AFAP1: variants seen among roughly 807,000 people sequenced by gnomAD.
The protein encoded by AFAP1 is actin filament-associated protein 1.
AFAP1 carries 75 observed loss-of-function variants against 93.9 expected under a neutral mutation model. The ratio of observed to expected loss-of-function variants is 0.80; its 90% confidence interval spans 0.66 to 0.97. AFAP1 has a LOEUF of 0.97. Among genes scored for constraint, AFAP1 ranks in the 50% least tolerant of loss-of-function variants. AFAP1 has a pLI of 0.00. For missense variants in AFAP1, 1,201 were observed against 1,050.8 expected (o/e 1.14, Z -1.98); for synonymous variants, 517 against 430.7 (o/e 1.20, Z -2.48).
intron 3 of AFAP1, among the ~76,000 whole-genome samples, chr4:7,863,662 G>T (rs1166338242): frequency 1.3e-5 from 2 of 152,034 alleles, no homozygotes; most frequent in Non-Finnish European, 2.9e-5. Context: ...ACATTAGCCA[G>T]GTGGAAAGAC....
At chr4:7,836,740 G>A (rs1236719971) in intron 6 of AFAP1, among the ~76,000 whole-genome samples, 3 of 151,940 alleles carry the variant, frequency 2.0e-5, no homozygotes, top group South Asian at 2.1e-4. Flanking sequence ...GAGCCGCTGC[G>A]CCCAGCCAGT....
Position 7,847,793 on chromosome 4 carries a change from C to CGGGGGGG in AFAP1, c.335-4444_335-4443insCCCCCCC, listed in dbSNP as rs10685949. Among the ~76,000 whole-genome samples the CGGGGGGG allele has an allele frequency of 8.5e-4, 87 of 101,828 alleles. 1 individual carries two copies. Among genetic ancestry groups the CGGGGGGG allele is most frequent in the African/African-American group, 2.1e-3 (59 of 28,508 alleles). 66.8% of individuals were successfully genotyped at this position (101,828 alleles called of 152,430 possible). On this transcript the variant is annotated intron_variant, in intron 4 of 17. Transcript: ENST00000420658. ...AGGAAGGTTCTATTTCAGGGGTACT[C>CGGGGGGG]GGGGTGGGGCATTGATTAGATACCA...
chr4:7,855,540 G>C lies in AFAP1; in HGVS notation c.260C>G (p.Ser87Cys). ...CTCATAATAACCTTCTGGGAGGGAGGATGTTGGCAATGGTGGAGGCCCACT... is the reference window on the plus strand; with the variant it reads ...CTCATAATAACCTTCTGGGAGGGAGCATGTTGGCAATGGTGGAGGCCCACT... ...PDSGPPPLPT[S>C]SLPEGYYEEA... Residue 87 changes from serine (S) to cysteine (C), a missense_variant, in exon 4 of 18, where the codon TCC becomes TGC. By Grantham distance (112) the Ser-to-Cys change is moderately radical. Transcript: ENST00000420658. 6.2e-7 allele frequency: 1 copy of C among 1,614,068 alleles called. No homozygotes were observed. Among genetic ancestry groups the C allele is most frequent in the Non-Finnish European group, 8.5e-7 (1 of 1,179,988 alleles).
chr4:7,872,085 C>A lies in AFAP1; in HGVS notation c.-2-5G>T, dbSNP rs1178095258. On this transcript the variant is annotated splice_region_variant and splice_polypyrimidine_tract_variant and intron_variant, in intron 1 of 17. Coordinates refer to ENST00000420658, the MANE Select transcript of AFAP1 (RefSeq NM_001134647.2). ...CAACTATTAACTCTTCCATTGCTGACAACAAAAGAGGAAGAGTATTATTAG... is the reference window on the plus strand; with the variant it reads ...CAACTATTAACTCTTCCATTGCTGAAAACAAAAGAGGAAGAGTATTATTAG... The A allele has an allele frequency of 6.2e-7, 1 of 1,613,644 alleles. No homozygotes were observed. The highest frequency in any genetic ancestry group is 1.6e-4 in the Middle Eastern group (1 of 6,062).
chr4:7,877,710 AG>A (rs1223313162), intron 1 of AFAP1, among the ~76,000 whole-genome samples: 1 of 152,232 alleles, frequency 6.6e-6, no homozygotes, highest in African/African-American at 2.4e-5. Context: ...ATAATTCCAC[AG>A]ACTGTTTTCA....
chr4:7,809,540 T>TACCG, intron 9 of AFAP1, 74 bp downstream of exon 9: 2 of 1,518,418 alleles, frequency 1.3e-6, no homozygotes, highest in Non-Finnish European at 1.8e-6. Flanking sequence ...ATGAACTGGG[T>TACCG]ACCGACACCA....
intron 1 of AFAP1, among the ~76,000 whole-genome samples, chr4:7,926,570 G>C (rs1317421083): frequency 1.3e-5 from 2 of 152,110 alleles, no homozygotes; most frequent in East Asian, 3.9e-4. Context: ...GAAGCAAATG[G>C]GGAGGCCAGG....
chr4:7,798,961 A>T, intron 10 of AFAP1: 35 of 986,682 alleles, frequency 3.5e-5, no homozygotes, highest in Non-Finnish European at 4.2e-5. Flanking sequence ...CAGAGCTCTC[A>T]TGGGAGACCC....
intron 7 of AFAP1, among the ~76,000 whole-genome samples, chr4:7,816,557 T>C (rs1413645002): frequency 6.6e-6 from 1 of 152,184 alleles, no homozygotes; most frequent in African/African-American, 2.4e-5. Flanking sequence ...ACTCAGAATG[T>C]ACACAGAGTG....
intron 7 of AFAP1, among the ~76,000 whole-genome samples, chr4:7,817,635 T>TGG (rs11378620): frequency 1.7e-3 from 261 of 151,150 alleles, no homozygotes; most frequent in African/African-American, 3.9e-3. Context: ...AAACAACTAA[T>TGG]GGGGGGGGCA....
chr4:7,815,666 C>G (rs2149063535), intron 8 of AFAP1, among the ~76,000 whole-genome samples: 1 of 152,264 alleles, frequency 6.6e-6, no homozygotes, highest in East Asian at 1.9e-4. Flanking sequence ...CACCAGGTCC[C>G]TAAGCAACAT....
At position 7,850,972 on chromosome 4, in the gene AFAP1, G is replaced by A. The variant is rs573446692; in HGVS notation, c.334+4494C>T. Among the ~76,000 whole-genome samples the A allele has an allele frequency of 3.4e-4, 51 of 152,050 alleles. 1 individual carries two copies. The South Asian group carries it at 8.9e-3, about 27-fold the overall frequency. ...CCAACCACTGACTTCAACAGCTCCC[G>A]CAAGTGTGCACGGCTAATCTAGAAT... On this transcript the variant is annotated intron_variant, in intron 4 of 17. Coordinates refer to ENST00000420658, the MANE Select transcript of AFAP1 (RefSeq NM_001134647.2).
chr4:7,846,083 T>C (rs769949142), intron 4 of AFAP1, among the ~76,000 whole-genome samples: 26 of 152,088 alleles, frequency 1.7e-4, no homozygotes, highest in Non-Finnish European at 3.5e-4. Context: ...CTGACAAGCA[T>C]CAAATGCTGC....
intron 12 of AFAP1, among the ~76,000 whole-genome samples, chr4:7,784,984 A>G (rs549770577): frequency 3.9e-5 from 6 of 152,222 alleles, no homozygotes; most frequent in Admixed American, 2.6e-4. Context: ...CTTGGAAAAC[A>G]TAACAATAAA....
chr4:7,774,630 AAT>A, intron 15 of AFAP1, 107 bp downstream of exon 15: 3 of 1,444,794 alleles, frequency 2.1e-6, no homozygotes, highest in Non-Finnish European at 2.8e-6. Flanking sequence ...ACTCTTACTA[AAT>A]AAAATGACAG....
chr4:7,861,102 T>G (rs950328657), intron 3 of AFAP1, among the ~76,000 whole-genome samples: 1 of 152,236 alleles, frequency 6.6e-6, no homozygotes, highest in Admixed American at 6.5e-5. Context: ...TTTCTGACTT[T>G]AATTTTATAT....
intron 1 of AFAP1, among the ~76,000 whole-genome samples, chr4:7,927,563 G>A (rs561076311): frequency 6.6e-6 from 1 of 152,270 alleles, no homozygotes; most frequent in East Asian, 1.9e-4. Flanking sequence ...GGTGGCTCAC[G>A]CCTGTAATTC....
chr4:7,829,223 G>A (rs183636348), intron 6 of AFAP1, among the ~76,000 whole-genome samples: 221 of 152,314 alleles, frequency 1.5e-3, no homozygotes, highest in Middle Eastern at 3.4e-3. Flanking sequence ...ATAGCGGCAT[G>A]AGAAGACTAA....
chr4:7,768,975 A>G lies in AFAP1; in HGVS notation c.2287T>C (p.Ser763Pro). ...PVFRHRTLEN[S>P]PISSCDTSDT... ...CTGGTGTCACAGCTGGAGATGGGCG[A>G]GTTTTCCAGGGTCCGGTGCCGGAAC... The change falls in exon 17 of 18, where the codon TCG (serine) becomes CCG (proline). Residue 763 changes from serine (S) to proline (P), a missense_variant. Physicochemically the swap from Ser to Pro is moderately conservative, Grantham distance 74 (BLOSUM62 -1). Coordinates refer to ENST00000420658, the MANE Select transcript of AFAP1 (RefSeq NM_001134647.2). 6.2e-7 allele frequency: 1 copy of G among 1,613,536 alleles called. No homozygotes were observed. The highest frequency in any genetic ancestry group is 8.5e-7 in the Non-Finnish European group (1 of 1,179,622).
Sources: allele counts gnomAD v4.1 joint callset (sites outside exome capture counted in the v4.1 genomes callset), GRCh38; gene constraint gnomAD v4.1.1; transcripts MANE v1.5; gene names NCBI Gene and HGNC (gene_info 2026-07-23, HGNC 2026-07-21).